Variants in ODAD2 observed in about 807,000 individuals in gnomAD.
The protein encoded by ODAD2 is outer dynein arm-docking complex subunit 2.
ODAD2 carries 89 observed loss-of-function variants against 106.8 expected under a neutral mutation model. That is an observed-to-expected ratio of 0.83 (90% CI 0.70 to 0.99). The LOEUF (loss-of-function observed/expected upper bound fraction) is 0.99, where lower values mean the gene tolerates loss of function less well. Ranked by LOEUF, ODAD2 falls within the 50% of genes least tolerant of loss-of-function variation. ODAD2 has a pLI of 0.00. For synonymous variants in ODAD2, 404 were observed against 436.2 expected (o/e 0.93, Z 0.92); for missense variants, 1,168 against 1,238.5 (o/e 0.94, Z 0.85).
chr10:27,876,916 A>G (rs981186026), intron 17 of ODAD2, among the ~76,000 whole-genome samples: 4 of 152,176 alleles, frequency 2.6e-5, no homozygotes, highest in African/African-American at 7.2e-5. Context: ...TGTTCTTCAT[A>G]TTGTAATAAT....
chr10:27,940,265 GAT>G (rs10658729), intron 13 of ODAD2, among the ~76,000 whole-genome samples: 1 of 146,816 alleles, frequency 6.8e-6, no homozygotes, highest in Non-Finnish European at 1.5e-5. Flanking sequence ...CAGTATATGT[GAT>G]ATATATATAA....
chr10:27,944,747 C>G, intron 11 of ODAD2, 69 bp downstream of exon 11: 3 of 1,590,912 alleles, frequency 1.9e-6, no homozygotes, highest in Admixed American at 1.7e-5. Context: ...TGGCAGAAAC[C>G]TAGAGCTAAG....
intron 17 of ODAD2, among the ~76,000 whole-genome samples, chr10:27,898,355 T>G (rs1210061407): frequency 6.6e-6 from 1 of 152,210 alleles, no homozygotes; most frequent in Non-Finnish European, 1.5e-5. Context: ...AGCCTATGAA[T>G]TTTTAATAAC....
intron 19 of ODAD2, among the ~76,000 whole-genome samples, chr10:27,821,696 G>A (rs570924184): frequency 2.2e-4 from 34 of 152,280 alleles, no homozygotes; most frequent in Admixed American, 8.5e-4. Flanking sequence ...AAAAGGAATA[G>A]TTTTCTCAGG....
chr10:27,961,782 G>A, intron 9 of ODAD2, 67 bp from the exon 10 acceptor site: 4 of 1,397,524 alleles, frequency 2.9e-6, no homozygotes, highest in Non-Finnish European at 2.9e-6. Context: ...GACCTACATG[G>A]GGCCAGGTGC....
At chr10:27,928,402 C>T (rs768933445) in intron 16 of ODAD2, among the ~76,000 whole-genome samples, 1 of 152,070 alleles carries the variant, frequency 6.6e-6, no homozygotes, top group Non-Finnish European at 1.5e-5. Context: ...GTTTAAGCCA[C>T]CTTCACCTCT....
intron 14 of ODAD2, among the ~76,000 whole-genome samples, chr10:27,939,479 G>A (rs1396277784): frequency 6.6e-6 from 1 of 152,188 alleles, no homozygotes; most frequent in Non-Finnish European, 1.5e-5. Flanking sequence ...ACTTTGGGAG[G>A]CTGAGGAGGG....
intron 17 of ODAD2, among the ~76,000 whole-genome samples, chr10:27,902,345 G>C (rs1453578195): frequency 6.6e-6 from 1 of 152,012 alleles, no homozygotes; most frequent in Non-Finnish European, 1.5e-5. Flanking sequence ...ATGCCCACAA[G>C]AAAAGATCTA....
At chr10:27,947,719 C>T (rs1252164056) in intron 10 of ODAD2, among the ~76,000 whole-genome samples, 3 of 152,034 alleles carry the variant, frequency 2.0e-5, no homozygotes, top group Non-Finnish European at 4.4e-5. Context: ...GTTATTTAGG[C>T]GGAGGCTTCA....
At chr10:27,919,343 A>G (rs1216865244) in intron 16 of ODAD2, among the ~76,000 whole-genome samples, 1 of 152,038 alleles carries the variant, frequency 6.6e-6, no homozygotes, top group Non-Finnish European at 1.5e-5. Flanking sequence ...CGAAAAATTG[A>G]CCTTCCTCAT....
intron 6 of ODAD2, chr10:27,981,795 T>C (rs1296496590): frequency 2.6e-6 from 1 of 377,640 alleles, no homozygotes; most frequent in South Asian, 3.8e-5. Context: ...CTTCATTCAA[T>C]TGTTCATTCA....
intron 1 of ODAD2, chr10:27,997,491 C>T (rs1282769527): frequency 2.6e-5 from 4 of 151,984 alleles, no homozygotes; most frequent in Non-Finnish European, 5.9e-5. Context: ...GTCAACATAC[C>T]ATATAGTAAC....
intron 17 of ODAD2, among the ~76,000 whole-genome samples, chr10:27,872,525 G>T (rs543285937): frequency 6.6e-6 from 1 of 151,950 alleles, no homozygotes; most frequent in East Asian, 1.9e-4. Flanking sequence ...TTTGAGATAC[G>T]TCCCATCAAT....
intron 2 of ODAD2, among the ~76,000 whole-genome samples, chr10:27,988,582 C>A (rs1850027657): frequency 6.6e-6 from 1 of 152,070 alleles, no homozygotes; most frequent in Non-Finnish European, 1.5e-5. Flanking sequence ...AAGGGATCCA[C>A]ACACCTCGAC....
chr10:27,952,884 G>C (rs1265028837), intron 10 of ODAD2, among the ~76,000 whole-genome samples: 1 of 151,950 alleles, frequency 6.6e-6, no homozygotes, highest in Non-Finnish European at 1.5e-5. Flanking sequence ...AACCAAGTTT[G>C]TTTTGTTTAT....
intron 17 of ODAD2, among the ~76,000 whole-genome samples, chr10:27,879,026 CA>C (rs150899463): frequency 6.6e-6 from 1 of 152,004 alleles, no homozygotes; most frequent in South Asian, 2.1e-4. Context: ...ACTTACATAA[CA>C]AAAAAATGCA....
chr10:27,975,977 T>C (rs1158465538), intron 7 of ODAD2, among the ~76,000 whole-genome samples: 3 of 152,054 alleles, frequency 2.0e-5, no homozygotes, highest in Non-Finnish European at 4.4e-5. Context: ...GTAAGGTTGG[T>C]TTGTCACTTG....
intron 17 of ODAD2, among the ~76,000 whole-genome samples, chr10:27,900,320 C>T (rs745561773): frequency 3.9e-5 from 6 of 152,146 alleles, no homozygotes; most frequent in Non-Finnish European, 8.8e-5. Flanking sequence ...AGGTCACCAA[C>T]CTCAAAGACC....
chr10:27,954,196 A>T (rs1325359902), intron 10 of ODAD2, among the ~76,000 whole-genome samples: 1 of 152,142 alleles, frequency 6.6e-6, no homozygotes, highest in Non-Finnish European at 1.5e-5. Context: ...TTTAAAACAG[A>T]AAGCAAAGCA....
Sources: allele counts gnomAD v4.1 joint callset (sites outside exome capture counted in the v4.1 genomes callset), GRCh38; gene constraint gnomAD v4.1.1; transcripts MANE v1.5; gene names NCBI Gene and HGNC (gene_info 2026-07-23, HGNC 2026-07-21).